The following TOB1 variants were observed in gnomAD, a reference collection of about 807,000 sequenced individuals.
TOB1 encodes the protein transducer of ERBB2, 1.
TOB1 carries 2 observed loss-of-function variants against 22.9 expected under a neutral mutation model. The ratio of observed to expected loss-of-function variants is 0.09; its 90% confidence interval spans 0.04 to 0.28. The LOEUF (loss-of-function observed/expected upper bound fraction) is 0.28, where lower values mean the gene tolerates loss of function less well. TOB1 is among the 10% of genes least tolerant of loss of function. The pLI is 1.00. For missense variants in TOB1, 299 were observed against 420.5 expected (o/e 0.71, Z 2.53); for synonymous variants, 154 against 150.6 (o/e 1.02, Z -0.17).
chr17:50,867,619 AG>A (rs1972333998), upstream of TOB1: 1 of 152,190 alleles, frequency 6.6e-6, no homozygotes, highest in South Asian at 2.1e-4. Context: ...GGAGCGAAGG[AG>A]GGGACGGGGA....
At chr17:50,866,494 C>A (rs898620493), upstream of TOB1, 1 of 152,304 alleles carries the variant, frequency 6.6e-6, no homozygotes, top group African/African-American at 2.4e-5. Context: ...GCACCCCGGT[C>A]CCCCGCCGGC....
rs148660107 is a variant in TOB1, at chr17:50,863,557, G to A, written c.461C>T (p.Ser154Leu). Residue 154 changes from serine to leucine, a missense_variant, in exon 2 of 2, where the codon TCG becomes TTG. Transcript: ENST00000499247. ...DPASSVSSSPSPPFGHSAAVS... is the reference protein window; with the variant it reads ...DPASSVSSSPLPPFGHSAAVS... The stretch of plus-strand genomic sequence containing the variant: ...AGCAGCAGAGTGACCAAAAGGAGGC[G>A]ATGGAGAGCTGGACACTGATGAGGC... 6.8e-6 allele frequency: 11 copies of A among 1,614,170 alleles called. No homozygotes were observed. The highest frequency in any genetic ancestry group is 8.5e-6 in the Non-Finnish European group (10 of 1,180,034).
chr17:50,863,221 G>C lies in TOB1; in HGVS notation c.797C>G (p.Ala266Gly). The C allele has an allele frequency of 6.2e-7, 1 of 1,614,162 alleles. No individual in the cohort carries two copies. Among genetic ancestry groups the C allele is most frequent in the Non-Finnish European group, 8.5e-7 (1 of 1,180,038 alleles). ...AAATTCCTTGGCATTAGGAGAAAGA[G>C]CAGAGGTTTTCTGCTGTTGTTGCTG... ...PQQQQQQKTS[A>G]LSPNAKEFIF... is the part of the protein sequence containing the mutation. Residue 266 changes from alanine (A) to glycine (G), a missense_variant, in exon 2 of 2, where the codon GCT becomes GGT. Physicochemically the swap from Ala to Gly is moderately conservative, Grantham distance 60. Transcript: ENST00000499247.
chr17:50,863,503 G>A lies in TOB1; in HGVS notation c.515C>T (p.Thr172Ile), dbSNP rs751789459. The change falls in exon 2 of 2, where the codon ACT (threonine) becomes ATT (isoleucine). Residue 172 changes from threonine (T) to isoleucine (I), a missense_variant. Physicochemically the swap from Thr to Ile is moderately conservative, Grantham distance 89. Coordinates refer to ENST00000499247, the MANE Select transcript of TOB1 (RefSeq NM_005749.4). ...GGCAGTGGTAAAGGTTAAAGGCTGA[G>A]TGGACCGGGGCATGAAGGTAGGGCT... Reference protein sequence around the residue: ...AVSPTFMPRSTQPLTFTTATF... With the variant: ...AVSPTFMPRSIQPLTFTTATF... 5.6e-6 allele frequency: 9 copies of A among 1,614,176 alleles called. No individual in the cohort carries two copies. The South Asian group carries it at 9.9e-5, about 18-fold the overall frequency.
In TOB1 at chr17:50,866,338, A is replaced by T. The variant is rs1241503684; in HGVS notation, c.-427T>A. 2.0e-5 allele frequency: 3 copies of T among 152,296 alleles called. No individual in the cohort carries two copies. The highest frequency in any genetic ancestry group is 7.2e-5 in the African/African-American group (3 of 41,510). 9.4% of individuals were successfully genotyped at this position (152,296 alleles called of 1,614,324 possible). ...TAGTGCGCCCGCTACACGCCGGGCCAGAGCTTCGCTCCTTCTGCCGCGGCG... is the reference window on the plus strand; with the variant it reads ...TAGTGCGCCCGCTACACGCCGGGCCTGAGCTTCGCTCCTTCTGCCGCGGCG... On this transcript the variant is annotated 5_prime_UTR_variant, in exon 1 of 2. Coordinates refer to ENST00000499247, the MANE Select transcript of TOB1 (RefSeq NM_005749.4).
rs774037272 is a variant in TOB1 at position 50,864,047 on chromosome 17, CT to C, written c.-31del. 8.1e-7 allele frequency: 1 copy of C among 1,240,486 alleles called. No homozygotes were observed. 76.8% of individuals were successfully genotyped at this position (1,240,486 alleles called of 1,614,324 possible). Reference sequence around the variant, plus strand: ...GCTACGCCACAAAATTAGGTTTCAACTCCCCCACCAAAAAAAAAAAAAAAAA... The same window carrying C: ...GCTACGCCACAAAATTAGGTTTCAACCCCCCACCAAAAAAAAAAAAAAAAA... On this transcript the variant is annotated 5_prime_UTR_variant, in exon 2 of 2. Transcript: ENST00000499247.
At position 50,862,759 on chromosome 17, in the gene TOB1, G is replaced by A. The variant is rs1178310049; in HGVS notation, c.*221C>T. 1 of 546,694 alleles carries A rather than the reference G, an allele frequency of 1.8e-6. No individual in the cohort carries two copies. Among genetic ancestry groups the A allele is most frequent in the Non-Finnish European group, 2.9e-6 (1 of 350,132 alleles). The allele number at this position is 546,694 out of a possible 1,614,324, so 33.9% of individuals were successfully genotyped here. A position where few individuals can be genotyped will look rare whatever the true frequency, so the allele number is the denominator to read the frequency against. ...CCTTGCTATATCTTAAATACTGTAA[G>A]AGGCCATATCTGAGAGTATACTTTA... On this transcript the variant is annotated 3_prime_UTR_variant, in exon 2 of 2. Transcript: ENST00000499247.
upstream of TOB1, among the ~76,000 whole-genome samples, chr17:50,866,523 G>GC (rs1972313114): frequency 6.6e-6 from 1 of 152,086 alleles, no homozygotes; most frequent in African/African-American, 2.4e-5. Flanking sequence ...CCCCTGCCCT[G>GC]CCCCCCGACG....
Position 50,863,666 on chromosome 17 carries a change from T to G in TOB1, c.352A>C (p.Asn118His), listed in dbSNP as rs1267558846. ...TTATCCAACTCACATCCATTTTCAT[T>G]ATTATCATCCACGTAAAGCACCTTC... ...PVKVLYVDDN[N>H]ENGCELDKEI... Residue 118 changes from asparagine (N) to histidine (H), a missense_variant, in exon 2 of 2, where the codon AAT (asparagine) becomes CAT (histidine). Transcript: ENST00000499247. 1 of 1,614,142 alleles carries G rather than the reference T, an allele frequency of 6.2e-7. No homozygotes were observed. The highest frequency in any genetic ancestry group is 1.3e-5 in the African/African-American group (1 of 75,032).
Position 50,864,160 on chromosome 17 carries a change from G to A in TOB1, c.-143C>T, listed in dbSNP as rs182886498. On this transcript the variant is annotated 5_prime_UTR_variant, in exon 2 of 2. Coordinates refer to ENST00000499247, the MANE Select transcript of TOB1 (RefSeq NM_005749.4). ...ATTATCCTTCACCTTGAGTGATCTT[G>A]TTCCTTAAAACAAAAGCAAACATAT... is the stretch of plus-strand genomic sequence containing the variant. 2.7e-3 allele frequency: 3,636 copies of A among 1,371,112 alleles called. 5 individuals carry two copies. The highest frequency in any genetic ancestry group is 3.1e-3 in the Non-Finnish European group (3,334 of 1,065,302). 84.9% of individuals were successfully genotyped at this position (1,371,112 alleles called of 1,614,324 possible).
chr17:50,862,810 T>G lies in TOB1; in HGVS notation c.*170A>C. 4.2e-6 allele frequency: 4 copies of G among 948,660 alleles called. No individual in the cohort carries two copies. Among genetic ancestry groups the G allele is most frequent in the Non-Finnish European group, 5.9e-6 (4 of 677,248 alleles). 58.8% of individuals were successfully genotyped at this position (948,660 alleles called of 1,614,324 possible). A position where few individuals can be genotyped will look rare whatever the true frequency, so the allele number is the denominator to read the frequency against. ...AAATATACAGTCAGTATAAAATAAC[T>G]TTGTGCTTGGTTGGCAAATGAAAAA... On this transcript the variant is annotated 3_prime_UTR_variant, in exon 2 of 2. Coordinates refer to ENST00000499247, the MANE Select transcript of TOB1 (RefSeq NM_005749.4).
Position 50,863,216 on chromosome 17 carries a change from A to C in TOB1, c.802T>G (p.Ser268Ala), listed in dbSNP as rs1302905613. 5 of 1,614,120 alleles carry C rather than the reference A, an allele frequency of 3.1e-6. No individual in the cohort carries two copies. Among genetic ancestry groups the C allele is most frequent in the Admixed American group, 1.7e-5 (1 of 60,002 alleles). ...QQQQQKTSALSPNAKEFIFPN... is the reference protein window; with the variant it reads ...QQQQQKTSALAPNAKEFIFPN... ...AAAATAAATTCCTTGGCATTAGGAG[A>C]AAGAGCAGAGGTTTTCTGCTGTTGT... The change falls in exon 2 of 2, where the codon TCT (serine) becomes GCT (alanine). Residue 268 changes from serine (S) to alanine (A), a missense_variant. Ser to Ala is a moderately conservative substitution (Grantham distance 99, BLOSUM62 1). Coordinates refer to ENST00000499247, the MANE Select transcript of TOB1 (RefSeq NM_005749.4).
In TOB1 at chr17:50,863,025, G is replaced by A. The variant is rs746996135; in HGVS notation, c.993C>T (p.Asn331=). The A allele has an allele frequency of 3.1e-6, 5 of 1,613,778 alleles. No individual in the cohort carries two copies. The highest frequency in any genetic ancestry group is 3.4e-6 in the Non-Finnish European group (4 of 1,179,956). ...GGAATTGCTGGTTAGAATACTGCAT[G>A]TTATTTAAGCTAAAATTCAAGCCAT... ...FVDGLNFSLN[N]MQYSNQQFQP... The change falls in exon 2 of 2, where the codon AAC becomes AAT. Residue 331 remains asparagine, a synonymous_variant. Transcript: ENST00000499247.
chr17:50,867,043 G>A (rs1376963117), upstream of TOB1: 3 of 152,312 alleles, frequency 2.0e-5, no homozygotes, highest in Non-Finnish European at 4.4e-5. Flanking sequence ...CAAAGACGTG[G>A]AGCCGGGCTG....
intron 1 of TOB1, among the ~76,000 whole-genome samples, chr17:50,864,605 T>G (rs546077060): frequency 8.5e-5 from 13 of 152,316 alleles, no homozygotes; most frequent in Admixed American, 2.0e-4. Context: ...AGTGAATCCA[T>G]GTTTTAGTTT....
intron 1 of TOB1, 131 bp downstream of exon 1, chr17:50,865,927 A>C (rs1972296282): frequency 6.6e-6 from 1 of 151,296 alleles, no homozygotes; most frequent in African/African-American, 2.4e-5. Flanking sequence ...CTCGGCGCCC[A>C]GGGCCGCGAC....
rs1972306696 is a variant in TOB1, at chr17:50,866,329, C to G, written c.-418G>C. The G allele has an allele frequency of 6.6e-6, 1 of 152,352 alleles. No individual in the cohort carries two copies. Among genetic ancestry groups the G allele is most frequent in the Non-Finnish European group, 1.5e-5 (1 of 68,156 alleles). 9.4% of individuals were successfully genotyped at this position (152,352 alleles called of 1,614,324 possible). A position where few individuals can be genotyped will look rare whatever the true frequency, so the allele number is the denominator to read the frequency against. Reference sequence around the variant, plus strand: ...GCGTCCCCGTAGTGCGCCCGCTACACGCCGGGCCAGAGCTTCGCTCCTTCT... The same window carrying G: ...GCGTCCCCGTAGTGCGCCCGCTACAGGCCGGGCCAGAGCTTCGCTCCTTCT... On this transcript the variant is annotated 5_prime_UTR_variant, in exon 1 of 2. Coordinates refer to ENST00000499247, the MANE Select transcript of TOB1 (RefSeq NM_005749.4).
chr17:50,865,480 G>A (rs967580562), intron 1 of TOB1, among the ~76,000 whole-genome samples: 4 of 152,136 alleles, frequency 2.6e-5, no homozygotes, highest in African/African-American at 9.7e-5. Flanking sequence ...AGCAGCAACA[G>A]CAAGAGGAGG....
At chr17:50,865,232 A>G (rs1018377010) in intron 1 of TOB1, among the ~76,000 whole-genome samples, 14 of 152,222 alleles carry the variant, frequency 9.2e-5, no homozygotes, top group Admixed American at 6.5e-5. Context: ...CAAAGGGAAA[A>G]AGAATCTCTG....
Sources: gnomAD v4.1 joint callset for allele counts (sites outside exome capture counted in the v4.1 genomes callset) on GRCh38, gnomAD v4.1.1 for gene constraint, MANE v1.5 for transcripts, NCBI Gene and HGNC (gene_info 2026-07-23, HGNC 2026-07-21) for gene names.